Variants in SVIL observed in about 807,000 individuals in gnomAD.
The protein encoded by SVIL is supervillin, also known as archvillin.
SVIL carries 101 observed loss-of-function variants against 240.4 expected under a neutral mutation model. That is an observed-to-expected ratio of 0.42 (90% CI 0.36 to 0.50). The LOEUF is 0.50. SVIL is among the 20% of genes least tolerant of loss of function. The pLI is 0.01. For synonymous variants in SVIL, 999 were observed against 1,100.0 expected, an observed-to-expected ratio of 0.91 and a Z score of 1.82; for missense variants, 2,512 against 2,818.7, an observed-to-expected ratio of 0.89 and a Z score of 2.46.
intron 3 of SVIL, among the ~76,000 whole-genome samples, chr10:29,561,633 C>T (rs1012856210): frequency 6.6e-6 from 1 of 151,260 alleles, no homozygotes; most frequent in East Asian, 1.9e-4. Flanking sequence ...ATTGGCAGAG[C>T]CATTCCATCT....
chr10:29,579,003 C>A (rs1480846857), intron 1 of SVIL, among the ~76,000 whole-genome samples: 1 of 152,156 alleles, frequency 6.6e-6, no homozygotes, highest in Non-Finnish European at 1.5e-5. Context: ...GCTAAAGATT[C>A]GCTGGGGAAA....
intron 1 of SVIL, among the ~76,000 whole-genome samples, chr10:29,633,041 G>A (rs1044848955): frequency 6.6e-6 from 1 of 152,070 alleles, no homozygotes; most frequent in African/African-American, 2.4e-5. Flanking sequence ...AGATCAGCCT[G>A]GCCAACATAG....
intron 18 of SVIL, among the ~76,000 whole-genome samples, chr10:29,497,689 T>C (rs1008402736): frequency 8.5e-5 from 13 of 152,206 alleles, no homozygotes; most frequent in African/African-American, 3.1e-4. Flanking sequence ...GAGAAGGACC[T>C]AGGAATTAAC....
At chr10:29,530,738 T>C in intron 10 of SVIL, 70 bp from the exon 11 acceptor site, 1 of 1,561,042 alleles carries the variant, frequency 6.4e-7, no homozygotes, top group South Asian at 1.1e-5. Flanking sequence ...AAAAAGTCTT[T>C]CAGGGCTGAC....
intron 6 of SVIL, among the ~76,000 whole-genome samples, chr10:29,550,370 A>T (rs1427337069): frequency 6.6e-6 from 1 of 151,608 alleles, no homozygotes; most frequent in Non-Finnish European, 1.5e-5. Context: ...TGAGCCCAGG[A>T]GTTCCAGGCT....
chr10:29,580,102 G>A (rs763055589), intron 1 of SVIL, among the ~76,000 whole-genome samples: 1 of 151,986 alleles, frequency 6.6e-6, no homozygotes, highest in Non-Finnish European at 1.5e-5. Flanking sequence ...GCCAAGTCAG[G>A]AGGATTGCTT....
intron 1 of SVIL, among the ~76,000 whole-genome samples, chr10:29,585,411 A>C (rs980998884): frequency 6.6e-6 from 1 of 152,074 alleles, no homozygotes; most frequent in African/African-American, 2.4e-5. Context: ...GCTGGCCTTG[A>C]ATTCCTGGCC....
At chr10:29,639,422 G>C (rs1958413160), upstream of SVIL, among the ~76,000 whole-genome samples, 1 of 150,412 alleles carries the variant, frequency 6.6e-6, no homozygotes, top group South Asian at 2.1e-4. Flanking sequence ...GCTCACCTCA[G>C]CCTCCCAAAG....
rs1406369206 is a variant in SVIL, at chr10:29,484,050, C to G, written c.4955+606G>C. Reference sequence around the variant, plus strand: ...ACGTAGGAATTATTTTTTCCAACATCATAATTTCTGACTTTGCACATATTC... The same window carrying G: ...ACGTAGGAATTATTTTTTCCAACATGATAATTTCTGACTTTGCACATATTC... On this transcript the variant is annotated intron_variant, in intron 27 of 37. Coordinates refer to ENST00000355867, the MANE Select transcript of SVIL (RefSeq NM_021738.3). This position sits in a 1 kb window ranked among gnomAD's most constrained non-coding sequence, Gnocchi z 4.7. 1.3e-5 allele frequency: 2 copies of G among 152,136 alleles called. No individual in the cohort carries two copies. Among genetic ancestry groups the G allele is most frequent in the East Asian group, 1.9e-4 (1 of 5,204 alleles). The allele number at this position is 152,136 out of a possible 1,614,324, so 9.4% of individuals were successfully genotyped here.
At chr10:29,478,787 TGGTG>T (rs1350474645) in intron 29 of SVIL, among the ~76,000 whole-genome samples, 5 of 150,196 alleles carry the variant, frequency 3.3e-5, no homozygotes, top group Non-Finnish European at 7.4e-5. Flanking sequence ...AGCTTGATAA[TGGTG>T]GCATATGCCT....
At chr10:29,701,180 C>G (rs949935178) in intron 1 of SVIL, among the ~76,000 whole-genome samples, 1 of 152,112 alleles carries the variant, frequency 6.6e-6, no homozygotes, top group Non-Finnish European at 1.5e-5. Flanking sequence ...AGACCATGCA[C>G]AGACCCACTC....
intron 24 of SVIL, 27 bp downstream of exon 24, chr10:29,487,136 A>G: frequency 6.2e-7 from 1 of 1,612,208 alleles, no homozygotes; most frequent in Non-Finnish European, 8.5e-7. Context: ...ATGTTAGCTA[A>G]AGCATTTTTA....
At chr10:29,663,705 A>AT (rs1386404137) in intron 2 of SVIL, among the ~76,000 whole-genome samples, 2 of 152,240 alleles carry the variant, frequency 1.3e-5, no homozygotes, top group Admixed American at 1.3e-4. Flanking sequence ...AATCAGACTC[A>AT]TTTTTTATCA....
At chr10:29,622,068 G>C (rs1037037986) in intron 1 of SVIL, among the ~76,000 whole-genome samples, 2 of 151,194 alleles carry the variant, frequency 1.3e-5, no homozygotes, top group African/African-American at 4.9e-5. Context: ...GGCTAACACG[G>C]TGAAACCCCG....
intron 1 of SVIL, among the ~76,000 whole-genome samples, chr10:29,578,592 C>T (rs1955803042): frequency 6.6e-6 from 1 of 152,158 alleles, no homozygotes; most frequent in African/African-American, 2.4e-5. Context: ...CTGTTAAATC[C>T]CCTTCCTAAA....
At chr10:29,615,650 T>C (rs1957402651) in intron 1 of SVIL, among the ~76,000 whole-genome samples, 1 of 152,266 alleles carries the variant, frequency 6.6e-6, no homozygotes, top group Non-Finnish European at 1.5e-5. Flanking sequence ...CAGCTCTGTG[T>C]ACTTTCAGTC....
At chr10:29,534,174 C>G (rs1051335454) in intron 7 of SVIL, among the ~76,000 whole-genome samples, 1 of 152,178 alleles carries the variant, frequency 6.6e-6, no homozygotes, top group African/African-American at 2.4e-5. Flanking sequence ...CCACCATCCC[C>G]CTGTCCTGCT....
At chr10:29,643,945 T>C (rs1418125296) in intron 3 of SVIL, 3 of 516,192 alleles carry the variant, frequency 5.8e-6, no homozygotes, top group East Asian at 1.1e-4. Flanking sequence ...TTATGAGTCC[T>C]GGCTCCAGAG....
Position 29,481,786 on chromosome 10 carries a change from A to G in SVIL, c.4956-58T>C, listed in dbSNP as rs1588909472. 3.2e-6 allele frequency: 5 copies of G among 1,572,662 alleles called. No individual in the cohort carries two copies. The East Asian group carries it at 9.0e-5, about 28-fold the overall frequency. The stretch of plus-strand genomic sequence containing the variant: ...CAGGAAAAGAACCAAGATGAAGCCA[A>G]GCTTAAACAAAGGAATCTAAAACAC... On this transcript the variant is annotated intron_variant, in intron 27 of 37. Transcript: ENST00000355867.
Sources: allele counts gnomAD v4.1 joint callset (sites outside exome capture counted in the v4.1 genomes callset), GRCh38; gene constraint gnomAD v4.1.1; non-coding constraint Gnocchi (gnomAD v3.1); transcripts MANE v1.5; gene names NCBI Gene and HGNC (gene_info 2026-07-23, HGNC 2026-07-21).